Variants in XKR9 observed in about 807,000 individuals in gnomAD.
The protein encoded by XKR9 is XK-related protein 9.
A neutral mutation model predicts 32.0 loss-of-function variants in XKR9; 32 were observed. The ratio of observed to expected loss-of-function variants is 1.00; its 90% CI spans 0.76 to 1.34. XKR9 has a LOEUF of 1.34. Among genes scored for constraint, XKR9 ranks in the 40% most tolerant of loss-of-function variants. The probability of loss-of-function intolerance (pLI) is 0.00; values close to 1 mark genes in which losing one functional copy is unlikely to be tolerated. For missense variants in XKR9, 546 were observed against 429.7 expected, an observed-to-expected ratio of 1.27 and a Z score of -2.39; for synonymous variants, 168 against 143.4, an observed-to-expected ratio of 1.17 and a Z score of -1.22.
At chr8:70,780,880 C>G (rs1401324593) in intron 2 of XKR9, 2 of 151,174 alleles carry the variant, frequency 1.3e-5, no homozygotes, top group East Asian at 1.9e-4. Context: ...GTTTCAACAC[C>G]AACAATTCTC....
At chr8:70,984,287 C>T in the XKR9 span, among the ~76,000 whole-genome samples, 1 of 152,202 alleles carries the variant, frequency 6.6e-6, no homozygotes, top group Non-Finnish European at 1.5e-5. Flanking sequence ...AAGGGGGGCC[C>T]AGGGGAATTT....
chr8:70,871,734 T>A, the XKR9 span, among the ~76,000 whole-genome samples: 2 of 152,128 alleles, frequency 1.3e-5, no homozygotes, highest in South Asian at 4.1e-4. Context: ...GGCCTATAAG[T>A]ATTCAAATAA....
At chr8:70,964,671 C>A in the XKR9 span, among the ~76,000 whole-genome samples, 2 of 152,120 alleles carry the variant, frequency 1.3e-5, no homozygotes, top group Non-Finnish European at 2.9e-5. Context: ...TCCTTCACTT[C>A]CCTTGTTCAC....
the XKR9 span, among the ~76,000 whole-genome samples, chr8:71,023,743 G>A: frequency 1.3e-5 from 2 of 152,278 alleles, no homozygotes; most frequent in Middle Eastern, 3.4e-3. Context: ...GGTGTTGGTG[G>A]TAGTTGTGAT....
the XKR9 span, among the ~76,000 whole-genome samples, chr8:70,877,043 T>G: frequency 6.6e-6 from 1 of 152,054 alleles, no homozygotes; most frequent in South Asian, 2.1e-4. Context: ...AGGAAAGAGG[T>G]TTAATTGACT....
At chr8:70,929,413 A>C in the XKR9 span, among the ~76,000 whole-genome samples, 1 of 152,230 alleles carries the variant, frequency 6.6e-6, no homozygotes, top group Non-Finnish European at 1.5e-5. Context: ...AGATCACCAC[A>C]GATTTTGCAA....
At chr8:70,899,121 T>C in the XKR9 span, among the ~76,000 whole-genome samples, 1 of 152,144 alleles carries the variant, frequency 6.6e-6, no homozygotes, top group Non-Finnish European at 1.5e-5. Flanking sequence ...CTCACTATGT[T>C]GCTCAGGCTA....
At chr8:70,698,099 C>T (rs907687572) in intron 3 of XKR9, among the ~76,000 whole-genome samples, 33 of 151,742 alleles carry the variant, frequency 2.2e-4, no homozygotes, top group East Asian at 3.9e-4. Flanking sequence ...GTCTTGCTAG[C>T]GGTCTATCAA....
the XKR9 span, among the ~76,000 whole-genome samples, chr8:71,025,588 CT>C: frequency 3.9e-5 from 6 of 152,248 alleles, no homozygotes; most frequent in African/African-American, 1.4e-4. Flanking sequence ...ATGATCTTCT[CT>C]CTGTTGCCTT....
chr8:70,718,312 A>G lies in XKR9; in HGVS notation c.493+11159A>G, dbSNP rs541478597. Among the ~76,000 whole-genome samples the G allele has an allele frequency of 1.7e-4, 22 of 130,726 alleles. No homozygotes were observed. In the South Asian group the frequency reaches 4.8e-3, roughly 28 times the overall value. 85.8% of individuals were successfully genotyped at this position (130,726 alleles called of 152,430 possible). Reference sequence around the variant, plus strand: ...ATTTATTTATTTTTATTATTTATTTATTTTTGTTTTACTTTAAGTTCTGGG... The same window carrying G: ...ATTTATTTATTTTTATTATTTATTTGTTTTTGTTTTACTTTAAGTTCTGGG... On this transcript the variant is annotated intron_variant, in intron 4 of 4. Coordinates refer to ENST00000408926, the MANE Select transcript of XKR9 (RefSeq NM_001011720.2).
At chr8:70,856,025 T>G in the XKR9 span, among the ~76,000 whole-genome samples, 5 of 151,850 alleles carry the variant, frequency 3.3e-5, no homozygotes, top group Non-Finnish European at 5.9e-5. Flanking sequence ...GCAAAAACAT[T>G]CCAAATTGTA....
At chr8:71,056,105 G>A in the XKR9 span, among the ~76,000 whole-genome samples, 2 of 152,206 alleles carry the variant, frequency 1.3e-5, no homozygotes, top group Non-Finnish European at 2.9e-5. Flanking sequence ...TACATTTAAG[G>A]AGTAGACCTT....
At chr8:70,865,507 A>G in the XKR9 span, among the ~76,000 whole-genome samples, 1 of 151,910 alleles carries the variant, frequency 6.6e-6, no homozygotes, top group South Asian at 2.1e-4. Flanking sequence ...TTGCAATTGT[A>G]TTTTTTTAAT....
At chr8:70,679,718 CACT>C (rs976985435) in intron 2 of XKR9, among the ~76,000 whole-genome samples, 2 of 152,100 alleles carry the variant, frequency 1.3e-5, no homozygotes, top group African/African-American at 2.4e-5. Flanking sequence ...AAAAAACCAC[CACT>C]GAGTCAGACA....
At chr8:70,705,023 C>T (rs1457605651) in intron 3 of XKR9, among the ~76,000 whole-genome samples, 1 of 152,136 alleles carries the variant, frequency 6.6e-6, no homozygotes. Flanking sequence ...TATTCCAGAA[C>T]TGTGATGGTA....
rs1819078599 is a variant in XKR9, at chr8:70,681,388, A to G, written c.272+58A>G. Reference sequence around the variant, plus strand: ...TTTCTTTTTCCAAACAGAAGCTACCATTTTGTATCTTATCTGGGTAGTCAA... The same window carrying G: ...TTTCTTTTTCCAAACAGAAGCTACCGTTTTGTATCTTATCTGGGTAGTCAA... On this transcript the variant is annotated intron_variant, in intron 3 of 4. Coordinates refer to ENST00000408926, the MANE Select transcript of XKR9 (RefSeq NM_001011720.2). The G allele has an allele frequency of 1.9e-6, 3 of 1,545,154 alleles. No individual in the cohort carries two copies. In the Admixed American group the frequency reaches 6.1e-5, roughly 31 times the overall value.
chr8:70,872,565 T>C, the XKR9 span, among the ~76,000 whole-genome samples: 3 of 152,324 alleles, frequency 2.0e-5, no homozygotes, highest in African/African-American at 7.2e-5. Context: ...TGGTAGAAGA[T>C]AGCTTCTAGG....
At chr8:70,754,319 C>A (rs1013437139) in intron 2 of XKR9, among the ~76,000 whole-genome samples, 1 of 144,134 alleles carries the variant, frequency 6.9e-6, no homozygotes, top group Non-Finnish European at 1.5e-5. Flanking sequence ...GAATCAATAT[C>A]GTGAAAATGG....
intron 1 of XKR9, among the ~76,000 whole-genome samples, chr8:70,670,175 C>T (rs149481811): frequency 1.3e-5 from 2 of 152,182 alleles, no homozygotes; most frequent in African/African-American, 4.8e-5. Context: ...TTGCTCCTAC[C>T]TGCCTCGCAC....
Sources: gnomAD v4.1 joint callset for allele counts (sites outside exome capture counted in the v4.1 genomes callset) on GRCh38, gnomAD v4.1.1 for gene constraint, MANE v1.5 for transcripts, NCBI Gene and HGNC (gene_info 2026-07-23, HGNC 2026-07-21) for gene names.